RBFOX1: variants seen among roughly 807,000 people sequenced by gnomAD.
RBFOX1 encodes RNA binding fox-1 homolog 1, also known as RNA binding protein fox-1 homolog 1.
Under a neutral mutation model 57.7 loss-of-function variants are expected in RBFOX1, and 8 were observed. The ratio of observed to expected loss-of-function variants is 0.14; its 90% CI spans 0.08 to 0.25. RBFOX1 has a LOEUF of 0.25. RBFOX1 is among the 10% of genes least tolerant of loss of function. The pLI, the probability that RBFOX1 is intolerant of heterozygous loss-of-function variation, is 1.00. For synonymous variants in RBFOX1, 326 were observed against 222.4 expected (o/e 1.47, Z -4.15); for missense variants, 611 against 548.5 (o/e 1.11, Z -1.14).
chr16:6,893,456 G>C (rs1310441614), intron 3 of RBFOX1, among the ~76,000 whole-genome samples: 1 of 152,106 alleles, frequency 6.6e-6, no homozygotes, highest in Non-Finnish European at 1.5e-5. Flanking sequence ...TTTTAAACCT[G>C]AACTCTAGTA....
intron 1 of RBFOX1, among the ~76,000 whole-genome samples, chr16:5,348,564 A>G (rs969947354): frequency 6.6e-6 from 1 of 152,114 alleles, no homozygotes; most frequent in African/African-American, 2.4e-5. Context: ...TAGGTTGGCT[A>G]CCCCATCATA....
At chr16:6,981,170 A>T (rs1307399590) in intron 3 of RBFOX1, among the ~76,000 whole-genome samples, 1 of 151,714 alleles carries the variant, frequency 6.6e-6, no homozygotes, top group Non-Finnish European at 1.5e-5. Flanking sequence ...TGTTGCACAG[A>T]TAAGCTTGTG....
chr16:6,470,909 T>A (rs2095159766), intron 2 of RBFOX1, among the ~76,000 whole-genome samples: 1 of 152,218 alleles, frequency 6.6e-6, no homozygotes, highest in South Asian at 2.1e-4. Context: ...GTTACTGCTG[T>A]GTCTTTGTGC....
intron 1 of RBFOX1, among the ~76,000 whole-genome samples, chr16:6,299,284 A>G (rs2078511698): frequency 6.6e-6 from 1 of 152,244 alleles, no homozygotes; most frequent in South Asian, 2.1e-4. Flanking sequence ...AGGATGATAA[A>G]TAATGTGATA....
chr16:7,028,123 C>A (rs1447388301), intron 3 of RBFOX1, among the ~76,000 whole-genome samples: 1 of 152,082 alleles, frequency 6.6e-6, no homozygotes, highest in African/African-American at 2.4e-5. Context: ...TGCCTAGAAG[C>A]CTGCAGAAAT....
intron 2 of RBFOX1, among the ~76,000 whole-genome samples, chr16:6,385,566 G>T (rs1291344679): frequency 1.3e-5 from 2 of 152,154 alleles, no homozygotes; most frequent in East Asian, 3.9e-4. Context: ...TACCATGTTG[G>T]CCAGGCTGGT....
chr16:5,240,057 G>A, exon 1 of RBFOX1: 1 of 1,532,144 alleles, frequency 6.5e-7, no homozygotes, highest in Non-Finnish European at 8.7e-7. Flanking sequence ...ACGCGCCGCG[G>A]CCGGGCAGGG....
At chr16:7,515,957 G>C (rs2076263631) in intron 4 of RBFOX1, among the ~76,000 whole-genome samples, 2 of 152,122 alleles carry the variant, frequency 1.3e-5, no homozygotes, top group South Asian at 4.2e-4. Context: ...TGGTTCTCCT[G>C]CCTCAGTCTC....
At chr16:6,867,464 A>C (rs1311238427) in intron 3 of RBFOX1, among the ~76,000 whole-genome samples, 1 of 152,012 alleles carries the variant, frequency 6.6e-6, no homozygotes, top group Non-Finnish European at 1.5e-5. Context: ...CACTCATGTA[A>C]TTCCAGCACT....
chr16:5,655,084 G>A (rs545570673), intron 3 of RBFOX1, among the ~76,000 whole-genome samples: 1 of 152,326 alleles, frequency 6.6e-6, no homozygotes, highest in South Asian at 2.1e-4. Context: ...ACACTTAGGA[G>A]ACAAATCTAA....
chr16:5,888,533 C>T (rs909913991), intron 4 of RBFOX1, among the ~76,000 whole-genome samples: 4 of 152,076 alleles, frequency 2.6e-5, no homozygotes, highest in South Asian at 2.1e-4. Flanking sequence ...CAGTGGCTCA[C>T]GCCTGTAATC....
chr16:6,200,580 C>A (rs1477693907), intron 1 of RBFOX1, among the ~76,000 whole-genome samples: 1 of 152,146 alleles, frequency 6.6e-6, no homozygotes, highest in Non-Finnish European at 1.5e-5. Context: ...AAGCACCACA[C>A]TAAAAAGTTT....
intron 3 of RBFOX1, among the ~76,000 whole-genome samples, chr16:6,719,123 T>C (rs1226943749): frequency 1.3e-5 from 2 of 152,172 alleles, no homozygotes; most frequent in African/African-American, 2.4e-5. Flanking sequence ...TGCCTTGATC[T>C]CCCAAAGTGG....
chr16:5,499,969 T>C (rs867406666), intron 2 of RBFOX1, among the ~76,000 whole-genome samples: 1 of 152,214 alleles, frequency 6.6e-6, no homozygotes, highest in South Asian at 2.1e-4. Context: ...ATCTGCTACA[T>C]TTGAGGCATT....
chr16:6,961,421 AC>A (rs1294748322), intron 3 of RBFOX1, among the ~76,000 whole-genome samples: 2 of 152,328 alleles, frequency 1.3e-5, no homozygotes, highest in South Asian at 2.1e-4. Flanking sequence ...GTGACTTAAA[AC>A]AACAAAGATT....
intron 2 of RBFOX1, among the ~76,000 whole-genome samples, chr16:6,534,572 A>G (rs2096709593): frequency 6.6e-6 from 1 of 152,176 alleles, no homozygotes; most frequent in Admixed American, 6.6e-5. Flanking sequence ...AGCATTAATC[A>G]CCAAATGTTT....
At chr16:7,343,467 T>C (rs2096935912) in intron 4 of RBFOX1, among the ~76,000 whole-genome samples, 1 of 152,068 alleles carries the variant, frequency 6.6e-6, no homozygotes, top group Non-Finnish European at 1.5e-5. Flanking sequence ...AAGGGCTTTG[T>C]TGAGGTTTAA....
At chr16:6,313,779 C>T (rs183951752) in intron 1 of RBFOX1, among the ~76,000 whole-genome samples, 1 of 151,710 alleles carries the variant, frequency 6.6e-6, no homozygotes, top group East Asian at 2.0e-4. Flanking sequence ...ACAAATTGCT[C>T]TTCACGTAGT....
chr16:5,777,319 C>G (rs1319781018), intron 3 of RBFOX1, among the ~76,000 whole-genome samples: 1 of 152,202 alleles, frequency 6.6e-6, no homozygotes, highest in African/African-American at 2.4e-5. Flanking sequence ...GACCCTGCTG[C>G]CTTCTTCTGA....
Sources: allele counts gnomAD v4.1 joint callset (sites outside exome capture counted in the v4.1 genomes callset), GRCh38; gene constraint gnomAD v4.1.1; transcripts MANE v1.5; gene names NCBI Gene and HGNC (gene_info 2026-07-23, HGNC 2026-07-21).